Variants in PDE10A observed in about 807,000 individuals in gnomAD.
PDE10A encodes phosphodiesterase 10A.
Under a neutral mutation model 97.7 loss-of-function variants are expected in PDE10A, and 39 were observed. The observed-to-expected ratio is 0.40, with a 90% CI of 0.31 to 0.52. PDE10A has a LOEUF of 0.52. PDE10A is among the 20% of genes least tolerant of loss of function. PDE10A has a pLI of 0.56. For synonymous variants in PDE10A, 371 were observed against 376.8 expected (o/e 0.98, Z 0.18); for missense variants, 731 against 1,047.8 (o/e 0.70, Z 4.17).
chr6:165,730,128 A>C (rs1208703736), intron 1 of PDE10A, among the ~76,000 whole-genome samples: 1 of 150,606 alleles, frequency 6.6e-6, no homozygotes, highest in Non-Finnish European at 1.5e-5. Context: ...GGAGATATAT[A>C]TGTATATGAA....
At chr6:165,889,991 A>C (rs1484017491) in intron 1 of PDE10A, among the ~76,000 whole-genome samples, 67 of 22,986 alleles carry the variant, frequency 2.9e-3, no homozygotes, top group Admixed American at 3.6e-3. Context: ...CTCACTCCTC[A>C]CTCCTCCCTC....
chr6:165,657,489 T>C (rs1790024612), intron 1 of PDE10A, among the ~76,000 whole-genome samples: 1 of 152,254 alleles, frequency 6.6e-6, no homozygotes, highest in Non-Finnish European at 1.5e-5. Flanking sequence ...CAAACAAAAA[T>C]TAACAATGTA....
intron 1 of PDE10A, among the ~76,000 whole-genome samples, chr6:165,769,154 T>C (rs889268686): frequency 1.3e-5 from 2 of 152,224 alleles, no homozygotes; most frequent in Non-Finnish European, 2.9e-5. Flanking sequence ...GATGGAATGT[T>C]CTAGTATGGT....
chr6:165,733,507 G>A (rs1455702132), intron 1 of PDE10A, among the ~76,000 whole-genome samples: 6 of 152,156 alleles, frequency 3.9e-5, no homozygotes. Flanking sequence ...GGTGTTGTAA[G>A]GATAAATGGC....
intron 1 of PDE10A, among the ~76,000 whole-genome samples, chr6:165,868,165 A>G (rs1781109186): frequency 6.6e-6 from 1 of 152,068 alleles, no homozygotes; most frequent in African/African-American, 2.4e-5. Context: ...AACAAACACT[A>G]AGATTAGAGT....
chr6:165,978,897 C>T (rs1007338521), intron 1 of PDE10A, among the ~76,000 whole-genome samples: 1 of 152,064 alleles, frequency 6.6e-6, no homozygotes, highest in Non-Finnish European at 1.5e-5. Flanking sequence ...TGAAGTACTT[C>T]AGCCAAGAAT....
intron 21 of PDE10A, among the ~76,000 whole-genome samples, chr6:165,335,470 T>C (rs1300537530): frequency 6.6e-6 from 1 of 152,150 alleles, no homozygotes; most frequent in African/African-American, 2.4e-5. Context: ...TTGATATGAA[T>C]AGACACTCTT....
At chr6:165,538,790 T>C (rs1227449839) in intron 2 of PDE10A, among the ~76,000 whole-genome samples, 3 of 152,186 alleles carry the variant, frequency 2.0e-5, no homozygotes, top group Non-Finnish European at 2.9e-5. Context: ...TGCAAAACAA[T>C]GGACCTTCAT....
chr6:165,416,213 G>A lies in PDE10A; in HGVS notation c.1865C>T (p.Ala622Val). 2 of 1,611,598 alleles carry A rather than the reference G, an allele frequency of 1.2e-6. No homozygotes were observed. The highest frequency in any genetic ancestry group is 1.7e-6 in the Non-Finnish European group (2 of 1,177,724). ...CCTGTTAAAGCGTGGGTCTGCATAG[G>A]CATCTGGAATGTTCAGGACTTCCCC... ...RTGEVLNIPDAYADPRFNREV... is the reference protein window; with the variant it reads ...RTGEVLNIPDVYADPRFNREV... Residue 622 changes from alanine to valine, a missense_variant, in exon 12 of 22, where the codon GCC becomes GTC. By Grantham distance (64) the Ala-to-Val change is moderately conservative (BLOSUM62 0). Around this residue, in one of 8 missense-constraint regions of PDE10A, gnomAD observed 108 missense variants for 199.8 expected, o/e 0.54. Coordinates refer to ENST00000539869, the MANE Select transcript of PDE10A (RefSeq NM_001385079.1).
chr6:165,959,939 C>T (rs892796893), intron 1 of PDE10A, among the ~76,000 whole-genome samples: 2 of 152,154 alleles, frequency 1.3e-5, no homozygotes, highest in African/African-American at 4.8e-5. Context: ...TGCAGCTCTC[C>T]CTGCCCCACT....
In PDE10A at chr6:165,418,182, G is replaced by A. The variant is rs1465822784; in HGVS notation, c.1796+453C>T. Among the ~76,000 whole-genome samples, 1 of 152,186 alleles carries A rather than the reference G, an allele frequency of 6.6e-6. No individual in the cohort carries two copies. Among genetic ancestry groups the A allele is most frequent in the African/African-American group, 2.4e-5 (1 of 41,442 alleles). ...TGTGATTGATTAAAACAGCTGGTCA[G>A]TCACAGAGTGTATTTAAGTCATCAA... On this transcript the variant is annotated intron_variant, in intron 11 of 21. Transcript: ENST00000539869. This position sits in a 1 kb window ranked among gnomAD's most constrained non-coding sequence, Gnocchi z 4.8.
At chr6:165,514,768 A>G (rs545173058) in intron 2 of PDE10A, among the ~76,000 whole-genome samples, 1 of 152,330 alleles carries the variant, frequency 6.6e-6, no homozygotes, top group Admixed American at 6.5e-5. Context: ...GTCAGGGGGT[A>G]CCGGAAGTAG....
At chr6:165,710,353 C>T (rs1216825583) in intron 1 of PDE10A, among the ~76,000 whole-genome samples, 1 of 152,208 alleles carries the variant, frequency 6.6e-6, no homozygotes, top group African/African-American at 2.4e-5. Flanking sequence ...CCCACTTCAC[C>T]CCTTGCGTAG....
chr6:165,966,217 C>T (rs186888219), intron 1 of PDE10A, among the ~76,000 whole-genome samples: 1 of 152,224 alleles, frequency 6.6e-6, no homozygotes, highest in Non-Finnish European at 1.5e-5. Flanking sequence ...GGCCTCCCCA[C>T]AGGGCTCATA....
At chr6:165,710,551 T>C (rs1224675207) in intron 1 of PDE10A, among the ~76,000 whole-genome samples, 2 of 152,238 alleles carry the variant, frequency 1.3e-5, no homozygotes, top group African/African-American at 4.8e-5. Context: ...AAAGCACTTT[T>C]CGTTTTGTAT....
intron 2 of PDE10A, among the ~76,000 whole-genome samples, chr6:165,507,499 C>T (rs1007462359): frequency 5.3e-5 from 8 of 151,986 alleles, no homozygotes; most frequent in Non-Finnish European, 1.2e-4. Flanking sequence ...AGACAGACAC[C>T]CCAGTATCCA....
At chr6:165,879,023 A>C (rs2128480131) in intron 1 of PDE10A, among the ~76,000 whole-genome samples, 1 of 152,306 alleles carries the variant, frequency 6.6e-6, no homozygotes, top group East Asian at 1.9e-4. Context: ...GAAGTGACTA[A>C]GTTCATAGTG....
Position 165,543,487 on chromosome 6 carries a change from G to T in PDE10A, c.947C>A (p.Ala316Glu). 6.2e-7 allele frequency: 1 copy of T among 1,612,746 alleles called. No homozygotes were observed. Among genetic ancestry groups the T allele is most frequent in the Non-Finnish European group, 8.5e-7 (1 of 1,179,072 alleles). ...LDEFVSESVS[A>E]ETVEKWLKRK... ...CTTCAGCCATTTCTCTACTGTCTCT[G>T]CACTAACACTTTCAGATACAAATTC... is the stretch of plus-strand genomic sequence containing the variant. Residue 316 changes from alanine to glutamate, a missense_variant, in exon 2 of 22, where the codon GCA (alanine) becomes GAA (glutamate). By Grantham distance (107) the Ala-to-Glu change is moderately radical (BLOSUM62 -1). Coordinates refer to ENST00000539869, the MANE Select transcript of PDE10A (RefSeq NM_001385079.1).
chr6:165,819,276 G>A lies in PDE10A; in HGVS notation c.-615+168253C>T, dbSNP rs1467790239. Among the ~76,000 whole-genome samples the A allele has an allele frequency of 6.6e-6, 1 of 152,116 alleles. No homozygotes were observed. Among genetic ancestry groups the A allele is most frequent in the African/African-American group, 2.4e-5 (1 of 41,430 alleles). On this transcript the variant is annotated intron_variant, in intron 1 of 19. Transcript: ENST00000366882. This position sits in a 1 kb window ranked among gnomAD's most constrained non-coding sequence, Gnocchi z 4.2. ...TGACTCCTGCCCTCTCCGTCCACACGTCAGCAGTTGCCCAGCCTCATGACT... is the reference window on the plus strand; with the variant it reads ...TGACTCCTGCCCTCTCCGTCCACACATCAGCAGTTGCCCAGCCTCATGACT...
Sources: allele counts gnomAD v4.1 joint callset (sites outside exome capture counted in the v4.1 genomes callset), GRCh38; gene constraint gnomAD v4.1.1; regional missense constraint gnomAD v4.1.1; non-coding constraint Gnocchi (gnomAD v3.1); transcripts MANE v1.5; gene names NCBI Gene and HGNC (gene_info 2026-07-23, HGNC 2026-07-21).